The following KY variants were observed in gnomAD, a reference collection of about 807,000 sequenced individuals.
The protein encoded by KY is kyphoscoliosis peptidase.
Under a neutral mutation model 76.1 loss-of-function variants are expected in KY, and 43 were observed. The observed-to-expected ratio is 0.57, with a 90% CI of 0.44 to 0.73. The LOEUF (loss-of-function observed/expected upper bound fraction) is 0.73, where lower values mean the gene tolerates loss of function less well. Among genes scored for constraint, KY ranks in the 30% least tolerant of loss-of-function variants. KY has a pLI of 0.00. For synonymous variants in KY, 277 were observed against 326.2 expected (o/e 0.85, Z 1.63); for missense variants, 722 against 828.9 (o/e 0.87, Z 1.58).
chr3:134,627,580 C>T lies in KY; in HGVS notation c.400+176G>A, dbSNP rs1368743853. 2.0e-5 allele frequency among the ~76,000 whole-genome samples: 3 copies of T among 152,182 alleles called. No homozygotes were observed. The East Asian group carries it at 5.8e-4, about 29-fold the overall frequency. Reference sequence around the variant, plus strand: ...GTGCATGAGCTTTTTCCTTCTCCACCTGTGTCCATGGCAGACATTGCTAAT... The same window carrying T: ...GTGCATGAGCTTTTTCCTTCTCCACTTGTGTCCATGGCAGACATTGCTAAT... On this transcript the variant is annotated intron_variant, in intron 5 of 10. Coordinates refer to ENST00000423778, the MANE Select transcript of KY (RefSeq NM_178554.6).
intron 10 of KY, chr3:134,608,372 C>T: frequency 7.3e-7 from 1 of 1,378,260 alleles, no homozygotes; most frequent in Non-Finnish European, 9.5e-7. Context: ...TTCTAGGAAA[C>T]CTGCAGCCTT....
In KY at chr3:134,610,297, T is replaced by G. The variant is rs574629106; in HGVS notation, c.797A>C (p.Asp266Ala). 3.7e-6 allele frequency: 6 copies of G among 1,613,616 alleles called. No homozygotes were observed. In the South Asian group the frequency reaches 5.5e-5, roughly 15 times the overall value. ...QTGQSFSGEF[D>A]HAWNAVYLEG... ...CAGGTACACAGCATTCCAGGCATGGTCAAACTCCCCCGAGAAGCTCTGCCC... is the reference window on the plus strand; with the variant it reads ...CAGGTACACAGCATTCCAGGCATGGGCAAACTCCCCCGAGAAGCTCTGCCC... Residue 266 changes from aspartate (D) to alanine (A), a missense_variant, in exon 9 of 11, where the codon GAC becomes GCC. This residue lies in a region of KY where 552 missense variants were observed against 680.9 expected (regional missense o/e 0.81). Transcript: ENST00000423778.
intron 3 of KY, among the ~76,000 whole-genome samples, chr3:134,635,493 TAA>T (rs10647203): frequency 2.5e-5 from 2 of 79,350 alleles, no homozygotes; most frequent in Admixed American, 3.7e-4. Flanking sequence ...CGAGACTCTG[TAA>T]AAAAAAAAAA....
At chr3:134,641,384 A>G (rs1965741310) in intron 3 of KY, 1 of 152,168 alleles carries the variant, frequency 6.6e-6, no homozygotes, top group South Asian at 2.1e-4. Context: ...TCTGAATGCG[A>G]CCACACATAT....
At position 134,619,165 on chromosome 3, in the gene KY, G is replaced by C. The variant is rs373340721; in HGVS notation, c.693C>G (p.Leu231=). ...TCTCGTACCTGCACATTCTCTCGAA[G>C]AGGCCAGCATAGCCATCACAGTTGG... is the stretch of plus-strand genomic sequence containing the variant. ...QKTNCDGYAG[L]FERMCRLAGV... is the part of the protein sequence containing the mutation. Residue 231 remains leucine (L), a synonymous_variant, in exon 8 of 11, where the codon CTC becomes CTG. Transcript: ENST00000423778. The C allele has an allele frequency of 6.2e-7, 1 of 1,613,904 alleles. No homozygotes were observed. Among genetic ancestry groups the C allele is most frequent in the Non-Finnish European group, 8.5e-7 (1 of 1,179,816 alleles).
intron 2 of KY, 74 bp from the exon 3 acceptor site, chr3:134,643,452 T>G: frequency 7.5e-7 from 1 of 1,340,398 alleles, no homozygotes. Flanking sequence ...GAGCTGTATG[T>G]GTTTGCGGGA....
chr3:134,603,516 T>C lies in KY; in HGVS notation c.*63A>G. 6 of 1,459,518 alleles carry C rather than the reference T, an allele frequency of 4.1e-6. No individual in the cohort carries two copies. Among genetic ancestry groups the C allele is most frequent in the Non-Finnish European group, 5.5e-6 (6 of 1,083,226 alleles). 90.4% of individuals were successfully genotyped at this position (1,459,518 alleles called of 1,614,324 possible). A position where few individuals can be genotyped will look rare whatever the true frequency, so the allele number is the denominator to read the frequency against. On this transcript the variant is annotated 3_prime_UTR_variant, in exon 11 of 11. Coordinates refer to ENST00000423778, the MANE Select transcript of KY (RefSeq NM_178554.6). The stretch of plus-strand genomic sequence containing the variant: ...GTGTCCAGGGCTCCCTGCACTTCCT[T>C]CGAGCCCTCCCTGGGGAGGTCTGGC...
intron 3 of KY, among the ~76,000 whole-genome samples, chr3:134,631,352 T>C (rs1964203657): frequency 6.6e-6 from 1 of 152,194 alleles, no homozygotes. Context: ...CAAGAGAATT[T>C]GGTACCAACA....
chr3:134,604,571 T>C (rs565806217), intron 10 of KY, 97 bp from the exon 11 acceptor site: 6 of 1,048,298 alleles, frequency 5.7e-6, no homozygotes, highest in Non-Finnish European at 8.4e-6. Flanking sequence ...AAAAACGTCC[T>C]GACTTATAGA....
chr3:134,608,092 G>A (rs911563947), intron 10 of KY: 1 of 1,121,088 alleles, frequency 8.9e-7, no homozygotes, highest in Admixed American at 4.4e-5. Context: ...ACCTGTCCTG[G>A]GAGACCCATG....
chr3:134,604,936 T>C (rs1327984320), intron 10 of KY, among the ~76,000 whole-genome samples: 1 of 152,174 alleles, frequency 6.6e-6, no homozygotes. Flanking sequence ...CGCATTGTCC[T>C]TAAAACTAGT....
At chr3:134,613,382 G>A (rs1358004518) in intron 8 of KY, among the ~76,000 whole-genome samples, 1 of 152,186 alleles carries the variant, frequency 6.6e-6, no homozygotes, top group African/African-American at 2.4e-5. Context: ...TCAGGGAGCA[G>A]CAGCGAGAGC....
intron 4 of KY, 28 bp downstream of exon 4, chr3:134,629,592 TC>T: frequency 6.4e-7 from 1 of 1,560,686 alleles, no homozygotes; most frequent in Non-Finnish European, 8.7e-7. Flanking sequence ...CTGCCAGCCC[TC>T]CACCATGAGT....
Position 134,625,066 on chromosome 3 carries a change from A to T in KY, c.470T>A (p.Ile157Asn), listed in dbSNP as rs766919466. 1 of 1,599,120 alleles carries T rather than the reference A, an allele frequency of 6.3e-7. No homozygotes were observed. The highest frequency in any genetic ancestry group is 8.5e-7 in the Non-Finnish European group (1 of 1,172,714). Residue 157 changes from isoleucine to asparagine, a missense_variant, in exon 6 of 11, where the codon ATC (isoleucine) becomes AAC (asparagine). Transcript: ENST00000423778. ...LDLQQFEKLD[I>N]YASQVTAKSG... ...CAGCTGTCCTACCTGTGAGGCGTAG[A>T]TATCCAATTTCTCAAACTGCTGCAG...
intron 8 of KY, among the ~76,000 whole-genome samples, chr3:134,617,621 A>G (rs1961801443): frequency 6.6e-6 from 1 of 152,210 alleles, no homozygotes; most frequent in South Asian, 2.1e-4. Flanking sequence ...GCTTTAGTGC[A>G]TTTTATAAAC....
chr3:134,625,117 G>A lies in KY; in HGVS notation c.419C>T (p.Ser140Phe), dbSNP rs1305958354. Residue 140 changes from serine (S) to phenylalanine (F), a missense_variant, in exon 6 of 11, where the codon TCT becomes TTT. This residue lies in a region of KY where 552 missense variants were observed against 680.9 expected (regional missense o/e 0.81). Transcript: ENST00000423778. ...KDAHAYPWDR[S>F]SLKSMSLDLQ... ...GTCCAGGGACATGGATTTCAGGCTA[G>A]ATCGATCCCAGGGGTAGGCTGGAAA... The A allele has an allele frequency of 6.2e-7, 1 of 1,600,372 alleles. No homozygotes were observed. Among genetic ancestry groups the A allele is most frequent in the Non-Finnish European group, 8.5e-7 (1 of 1,173,292 alleles).
intron 3 of KY, among the ~76,000 whole-genome samples, chr3:134,633,550 A>G (rs1021163491): frequency 6.6e-6 from 1 of 152,132 alleles, no homozygotes; most frequent in Non-Finnish European, 1.5e-5. Context: ...ACAAAATTTA[A>G]CATCCGTTCA....
intron 1 of KY, among the ~76,000 whole-genome samples, chr3:134,649,139 C>T (rs906741289): frequency 5.9e-5 from 9 of 152,200 alleles, no homozygotes; most frequent in Non-Finnish European, 1.2e-4. Flanking sequence ...CAGATCTCTA[C>T]ACTGTCATTC....
At chr3:134,648,252 G>A (rs748973784) in intron 1 of KY, among the ~76,000 whole-genome samples, 4 of 152,128 alleles carry the variant, frequency 2.6e-5, no homozygotes, top group African/African-American at 7.2e-5. Flanking sequence ...TGCTGCTTAC[G>A]GTACTGTTCC....
Sources: gnomAD v4.1 joint callset for allele counts (sites outside exome capture counted in the v4.1 genomes callset) on GRCh38, gnomAD v4.1.1 for gene constraint, gnomAD v4.1.1 regional missense constraint, MANE v1.5 for transcripts, NCBI Gene and HGNC (gene_info 2026-07-23, HGNC 2026-07-21) for gene names.